Variants in TOM1L1 observed in about 807,000 individuals in gnomAD.
TOM1L1 encodes the protein TOM1-like protein 1.
In TOM1L1, 64 loss-of-function variants were observed where a neutral mutation model predicts 63.4. That is an observed-to-expected ratio of 1.01 (90% confidence interval 0.83 to 1.24). The LOEUF is 1.24. Ranked by LOEUF, TOM1L1 falls within the 50% of genes most tolerant of loss-of-function variation. The probability of loss-of-function intolerance (pLI) is 0.00; values close to 1 mark genes in which losing one functional copy is unlikely to be tolerated. For missense variants in TOM1L1, 536 were observed against 567.0 expected, an observed-to-expected ratio of 0.95 and a Z score of 0.55; for synonymous variants, 166 against 194.4, an observed-to-expected ratio of 0.85 and a Z score of 1.22.
chr17:54,904,834 C>T (rs2048384663), intron 2 of TOM1L1, among the ~76,000 whole-genome samples: 1 of 152,152 alleles, frequency 6.6e-6, no homozygotes, highest in African/African-American at 2.4e-5. Flanking sequence ...AAGAAAACAT[C>T]AAACTTAATT....
At chr17:54,947,010 A>T (rs1034533807) in intron 11 of TOM1L1, among the ~76,000 whole-genome samples, 1 of 152,166 alleles carries the variant, frequency 6.6e-6, no homozygotes, top group Non-Finnish European at 1.5e-5. Flanking sequence ...AGCTACACTG[A>T]TGGAAAGACT....
chr17:54,945,683 T>A (rs1046115587), intron 11 of TOM1L1, among the ~76,000 whole-genome samples: 1 of 152,122 alleles, frequency 6.6e-6, no homozygotes, highest in African/African-American at 2.4e-5. Context: ...GTTTTTTTTT[T>A]AATTCAGTTA....
At chr17:54,902,287 GTTGTT>G (rs778706554) in intron 1 of TOM1L1, among the ~76,000 whole-genome samples, 1 of 152,018 alleles carries the variant, frequency 6.6e-6, no homozygotes, top group Non-Finnish European at 1.5e-5. Context: ...TTTTGTTGTT[GTTGTT>G]TTGTTTTTGT....
At chr17:54,937,075 A>G (rs2048959801) in intron 9 of TOM1L1, 34 bp from the exon 10 acceptor site, 2 of 1,464,172 alleles carry the variant, frequency 1.4e-6, no homozygotes, top group Non-Finnish European at 1.9e-6. Context: ...GATAAACTAC[A>G]TGACACTTTT....
chr17:54,904,250 G>A lies in TOM1L1; in HGVS notation c.143+458G>A, dbSNP rs575141774. On this transcript the variant is annotated intron_variant, in intron 2 of 15. Transcript: ENST00000575882. ...CCAGGCATGGTGGCGGGTGCCTGTA[G>A]TACCAGCTACTTGGGAGGCTGAGGC... Among the ~76,000 whole-genome samples, 211 of 151,976 alleles carry A rather than the reference G, an allele frequency of 1.4e-3. 2 individuals carry two copies. The highest frequency in any genetic ancestry group is 4.9e-3 in the African/African-American group (203 of 41,450).
In TOM1L1 at chr17:54,955,335, A is replaced by G. The variant is rs937117461; in HGVS notation, c.1370+5209A>G. ...TGGTGGGGAGGTAGGTAAATCAATC[A>G]AGTGAGTGAGGTGTTTCCTCAGAGA... On this transcript the variant is annotated intron_variant, in intron 14 of 15. Coordinates refer to ENST00000575882, the MANE Select transcript of TOM1L1 (RefSeq NM_005486.3). 2.9e-4 allele frequency among the ~76,000 whole-genome samples: 44 copies of G among 152,254 alleles called. 1 individual carries two copies. The highest frequency in any genetic ancestry group is 9.6e-4 in the African/African-American group (40 of 41,560).
At chr17:54,918,150 C>T (rs1238366986) in intron 7 of TOM1L1, among the ~76,000 whole-genome samples, 6 of 152,186 alleles carry the variant, frequency 3.9e-5, no homozygotes, top group Admixed American at 1.3e-4. Context: ...TGTGGGCAAC[C>T]TTGAATGTCC....
chr17:54,907,490 G>A (rs1445721925), intron 3 of TOM1L1, among the ~76,000 whole-genome samples: 4 of 152,114 alleles, frequency 2.6e-5, no homozygotes, highest in Non-Finnish European at 5.9e-5. Context: ...AACGAATCAA[G>A]CCTCTTAAAA....
chr17:54,938,818 TTTTTTTCTTTTTC>T (rs1368480288), intron 10 of TOM1L1, 93 bp from the exon 11 acceptor site: 18 of 611,998 alleles, frequency 2.9e-5, no homozygotes, highest in Non-Finnish European at 4.6e-5. Flanking sequence ...GTTTTTCTTT[TTTTTTTCTTTTTC>T]TTTTTTCTTT....
At chr17:54,959,087 G>C (rs962920147) in intron 14 of TOM1L1, 1 of 152,194 alleles carries the variant, frequency 6.6e-6, no homozygotes, top group Non-Finnish European at 1.5e-5. Context: ...GAGTTTAGAG[G>C]TTTGAGGAGA....
chr17:54,948,380 C>T (rs11871690), intron 12 of TOM1L1, among the ~76,000 whole-genome samples: 44,730 of 151,956 alleles, frequency 0.29, 6,911 homozygotes, highest in African/African-American at 0.35. Context: ...CCTGAAATGC[C>T]GATCTGACCG....
At chr17:54,938,493 CA>C (rs34581628) in intron 10 of TOM1L1, 23,678 of 70,964 alleles carry the variant, frequency 0.33, 1,454 homozygotes, top group Non-Finnish European at 0.39. Context: ...GACTCCATCT[CA>C]AAAAAAAAAA....
At position 54,937,221 on chromosome 17, in the gene TOM1L1, G is replaced by C; in HGVS notation, c.1028G>C (p.Gly343Ala). ...ELNTMNNQLSGLNFSLPSSDV... is the reference protein window; with the variant it reads ...ELNTMNNQLSALNFSLPSSDV... ...AACACCATGAATAATCAACTTTCAGGCTTAAGTAAATAAACACTCAGGTCT... is the reference window on the plus strand; with the variant it reads ...AACACCATGAATAATCAACTTTCAGCCTTAAGTAAATAAACACTCAGGTCT... Residue 343 changes from glycine to alanine, a missense_variant, in exon 10 of 16, where the codon GGC becomes GCC. Physicochemically the swap from Gly to Ala is moderately conservative, Grantham distance 60. Coordinates refer to ENST00000575882, the MANE Select transcript of TOM1L1 (RefSeq NM_005486.3). The C allele has an allele frequency of 6.2e-7, 1 of 1,609,612 alleles. No individual in the cohort carries two copies. Among genetic ancestry groups the C allele is most frequent in the Non-Finnish European group, 8.5e-7 (1 of 1,176,094 alleles).
chr17:54,900,966 G>A, intron 1 of TOM1L1, 43 bp downstream of exon 1: 1 of 1,612,180 alleles, frequency 6.2e-7, no homozygotes, highest in Non-Finnish European at 8.5e-7. Context: ...GCAGGGGACC[G>A]TGGGATCCTT....
chr17:54,916,881 T>C (rs1035227716), intron 7 of TOM1L1: 1 of 152,188 alleles, frequency 6.6e-6, no homozygotes, highest in Admixed American at 6.5e-5. Context: ...TGTCCTCTGA[T>C]TGTCATGTTA....
At chr17:54,958,157 A>G (rs868707690) in intron 14 of TOM1L1, 1 of 152,276 alleles carries the variant, frequency 6.6e-6, no homozygotes, top group Admixed American at 6.5e-5. Context: ...AAGAGTAAAG[A>G]AAGTTAACAG....
chr17:54,912,489 G>T (rs1237390688), intron 3 of TOM1L1, among the ~76,000 whole-genome samples, 177 bp from the exon 4 acceptor site: 1 of 152,096 alleles, frequency 6.6e-6, no homozygotes, highest in African/African-American at 2.4e-5. Flanking sequence ...GTTACATTAT[G>T]CTCATACTTC....
intron 11 of TOM1L1, among the ~76,000 whole-genome samples, chr17:54,941,928 C>A (rs868652891): frequency 1.2e-4 from 19 of 152,272 alleles, no homozygotes; most frequent in Non-Finnish European, 1.5e-4. Context: ...TGCCTAAGAT[C>A]ACTTGTGAGA....
intron 11 of TOM1L1, 21 bp downstream of exon 11, chr17:54,939,041 G>A (rs777301225): frequency 2.8e-6 from 4 of 1,432,678 alleles, no homozygotes; most frequent in Admixed American, 3.5e-5. Context: ...CAGTAACACT[G>A]CAGAACTAAT....
Sources: gnomAD v4.1 joint callset for allele counts (sites outside exome capture counted in the v4.1 genomes callset) on GRCh38, gnomAD v4.1.1 for gene constraint, MANE v1.5 for transcripts, NCBI Gene and HGNC (gene_info 2026-07-23, HGNC 2026-07-21) for gene names.